PTPN22: variants seen among roughly 807,000 people sequenced by gnomAD.
PTPN22 encodes tyrosine-protein phosphatase non-receptor type 22.
PTPN22 carries 85 observed loss-of-function variants against 103.3 expected under a neutral mutation model. That is an observed-to-expected ratio of 0.82 (90% CI 0.69 to 0.99). PTPN22 has a LOEUF of 0.99. PTPN22 is among the 50% of genes least tolerant of loss of function. PTPN22 has a pLI of 0.00. For missense variants in PTPN22, 865 were observed against 936.9 expected, an observed-to-expected ratio of 0.92 and a Z score of 1.00; for synonymous variants, 323 against 310.2, an observed-to-expected ratio of 1.04 and a Z score of -0.43.
intron 19 of PTPN22, among the ~76,000 whole-genome samples, chr1:113,820,082 T>C (rs1320563241): frequency 6.6e-6 from 1 of 152,164 alleles, no homozygotes; most frequent in African/African-American, 2.4e-5. Flanking sequence ...TTATTTGTAT[T>C]ATATAATCCT....
At chr1:113,815,701 CAG>C (rs1661091317) in intron 20 of PTPN22, among the ~76,000 whole-genome samples, 1 of 152,106 alleles carries the variant, frequency 6.6e-6, no homozygotes, top group African/African-American at 2.4e-5. Context: ...TTGTCTGAGA[CAG>C]AGTCTTGCTC....
chr1:113,859,380 C>A, exon 2 of PTPN22: 1 of 1,613,172 alleles, frequency 6.2e-7, no homozygotes, highest in Non-Finnish European at 8.5e-7. Context: ...ATCTGTTTTT[C>A]TTGATATTCT....
chr1:113,845,898 C>T (rs998919078), intron 11 of PTPN22, among the ~76,000 whole-genome samples: 1 of 152,176 alleles, frequency 6.6e-6, no homozygotes, highest in Non-Finnish European at 1.5e-5. Flanking sequence ...TGATAATTGT[C>T]TTTGCTCTGA....
chr1:113,870,520 A>C (rs938375995), intron 1 of PTPN22, among the ~76,000 whole-genome samples: 3 of 152,134 alleles, frequency 2.0e-5, no homozygotes, highest in African/African-American at 7.2e-5. Context: ...ATCAATAATC[A>C]CAGTTCTCTC....
At chr1:113,822,804 A>C (rs986687239) in intron 19 of PTPN22, among the ~76,000 whole-genome samples, 1 of 152,154 alleles carries the variant, frequency 6.6e-6, no homozygotes, top group African/African-American at 2.4e-5. Flanking sequence ...TACTAAAAAT[A>C]CAAAAATTAG....
chr1:113,845,375 G>A (rs763445464), intron 11 of PTPN22, among the ~76,000 whole-genome samples: 1 of 151,534 alleles, frequency 6.6e-6, no homozygotes, highest in Non-Finnish European at 1.5e-5. Context: ...GCTAATTTTT[G>A]TATATTTAGT....
At position 113,824,481 on chromosome 1, in the gene PTPN22, A is replaced by T. The variant is rs182563248; in HGVS notation, c.2281+661T>A. ...ACAGTTTCAGGACTCAATGGATTTTATTTTCATTACAACGTAGCAAAAATA... is the reference window on the plus strand; with the variant it reads ...ACAGTTTCAGGACTCAATGGATTTTTTTTTCATTACAACGTAGCAAAAATA... On this transcript the variant is annotated intron_variant, in intron 19 of 20. Coordinates refer to ENST00000359785, the Ensembl canonical transcript of PTPN22. 4.5e-3 allele frequency among the ~76,000 whole-genome samples: 685 copies of T among 152,292 alleles called. 3 individuals are homozygous for T. The highest frequency in any genetic ancestry group is 7.1e-3 in the Non-Finnish European group (482 of 68,010).
chr1:113,858,529 T>C, exon 4 of PTPN22: 3 of 1,606,460 alleles, frequency 1.9e-6, no homozygotes, highest in Non-Finnish European at 2.6e-6. Context: ...GGGTTGTAGA[T>C]AAAGGACCCT....
At chr1:113,844,407 T>C (rs1186987076) in intron 11 of PTPN22, among the ~76,000 whole-genome samples, 1 of 152,186 alleles carries the variant, frequency 6.6e-6, no homozygotes, top group Non-Finnish European at 1.5e-5. Context: ...TGAGCCAAGA[T>C]CATGCCACTG....
chr1:113,818,501 C>A (rs1558013092), intron 20 of PTPN22, among the ~76,000 whole-genome samples: 1 of 152,038 alleles, frequency 6.6e-6, no homozygotes, highest in Non-Finnish European at 1.5e-5. Flanking sequence ...TAATGAAATC[C>A]AAACAAAATT....
chr1:113,828,673 C>T (rs1355827293), intron 18 of PTPN22, among the ~76,000 whole-genome samples: 1 of 152,122 alleles, frequency 6.6e-6, no homozygotes, highest in Admixed American at 6.6e-5. Flanking sequence ...GATGACGTCT[C>T]ACTCTGTCAC....
intron 4 of PTPN22, among the ~76,000 whole-genome samples, 170 bp downstream of exon 4, chr1:113,858,308 T>C (rs1442689257): frequency 1.3e-5 from 2 of 152,152 alleles, no homozygotes; most frequent in Admixed American, 6.6e-5. Context: ...TCCACCCCTC[T>C]TGGCCTCCCA....
intron 1 of PTPN22, among the ~76,000 whole-genome samples, chr1:113,861,634 C>T (rs1665609935): frequency 1.3e-5 from 2 of 152,082 alleles, no homozygotes; most frequent in Non-Finnish European, 2.9e-5. Context: ...CCACCTCGGC[C>T]TCCCAAAGTG....
At chr1:113,862,404 T>C (rs1665693156) in intron 1 of PTPN22, among the ~76,000 whole-genome samples, 4 of 152,176 alleles carry the variant, frequency 2.6e-5, no homozygotes, top group Non-Finnish European at 5.9e-5. Flanking sequence ...CTTGATAAGC[T>C]AATAGTAAGT....
intron 1 of PTPN22, among the ~76,000 whole-genome samples, chr1:113,868,576 T>G (rs1353515124): frequency 1.3e-5 from 2 of 152,178 alleles, no homozygotes; most frequent in Non-Finnish European, 2.9e-5. Flanking sequence ...AGACTCTATT[T>G]TTCCACTGGA....
At position 113,856,790 on chromosome 1, in the gene PTPN22, CATT is replaced by C. The variant is rs1010320037; in HGVS notation, c.409-174_409-172del. On this transcript the variant is annotated intron_variant, in intron 5 of 20. Coordinates refer to ENST00000359785, the Ensembl canonical transcript of PTPN22. ...GAATCTCCAAAGATGGGAAAACAAA[CATT>C]AAAGGATATATAAATTACAGACTTC... 10 of 745,508 alleles carry C rather than the reference CATT, an allele frequency of 1.3e-5. No homozygotes were observed. In the African/African-American group the frequency reaches 1.4e-4, roughly 11 times the overall value. 46.2% of individuals were successfully genotyped at this position (745,508 alleles called of 1,614,324 possible). A position where few individuals can be genotyped will look rare whatever the true frequency, so the allele number is the denominator to read the frequency against.
chr1:113,858,642 C>CAT, intron 3 of PTPN22, 69 bp from the exon 4 acceptor site: 1 of 958,890 alleles, frequency 1.0e-6, no homozygotes, highest in Admixed American at 3.0e-5. Flanking sequence ...TCCTCCGCTT[C>CAT]CTTTTTTTTT....
rs757113465 is a variant in PTPN22, at chr1:113,848,508, T to G, written c.915+32A>C. 9.9e-6 allele frequency: 16 copies of G among 1,608,458 alleles called. No individual in the cohort carries two copies. The East Asian group carries it at 3.1e-4, about 31-fold the overall frequency. ...CTTGACCAAAAGCAAGTATGAAAAT[T>G]TTTTTGACATAATATCTAGTTTAAA... On this transcript the variant is annotated intron_variant, in intron 11 of 20. Coordinates refer to ENST00000359785, the Ensembl canonical transcript of PTPN22.
chr1:113,833,059 A>G (rs767346337), intron 16 of PTPN22, 52 bp downstream of exon 16: 2 of 1,498,684 alleles, frequency 1.3e-6, no homozygotes, highest in Non-Finnish European at 1.8e-6. Context: ...TTAACGAACC[A>G]TTCTTCCAAT....
Sources: gnomAD v4.1 joint callset for allele counts (sites outside exome capture counted in the v4.1 genomes callset) on GRCh38, gnomAD v4.1.1 for gene constraint, MANE v1.5 for transcripts, NCBI Gene and HGNC (gene_info 2026-07-23, HGNC 2026-07-21) for gene names.